The following UBE2Q2 variants were observed in gnomAD, a reference collection of about 807,000 sequenced individuals.
UBE2Q2 encodes the protein ubiquitin-conjugating enzyme E2 Q2.
A neutral mutation model predicts 59.9 loss-of-function variants in UBE2Q2; 54 were observed. The ratio of observed to expected loss-of-function variants is 0.90; its 90% CI spans 0.72 to 1.13. The LOEUF is 1.13. Ranked by LOEUF, UBE2Q2 falls within the 50% of genes most tolerant of loss-of-function variation. UBE2Q2 has a pLI of 0.00. For missense variants in UBE2Q2, 433 were observed against 441.9 expected, an observed-to-expected ratio of 0.98 and a Z score of 0.18; for synonymous variants, 165 against 155.2, an observed-to-expected ratio of 1.06 and a Z score of -0.47.
At chr15:75,854,121 A>G (rs540791055) in intron 1 of UBE2Q2, among the ~76,000 whole-genome samples, 49 of 152,240 alleles carry the variant, frequency 3.2e-4, no homozygotes, top group African/African-American at 1.1e-3. Flanking sequence ...CCAGGAGGTG[A>G]TGGTGATCGG....
chr15:75,881,858 T>A (rs1898448200), intron 8 of UBE2Q2, among the ~76,000 whole-genome samples: 1 of 152,174 alleles, frequency 6.6e-6, no homozygotes, highest in African/African-American at 2.4e-5. Context: ...CTGAATTGAA[T>A]TCTGAGGTAG....
At chr15:75,859,480 C>T (rs1359322912) in intron 2 of UBE2Q2, among the ~76,000 whole-genome samples, 1 of 152,068 alleles carries the variant, frequency 6.6e-6, no homozygotes, top group Admixed American at 6.6e-5. Flanking sequence ...ACAACACTGC[C>T]TGTGTGTGTC....
Position 75,878,006 on chromosome 15 carries a change from A to AT in UBE2Q2, c.720dup (p.Val241CysfsTer2). On this transcript the variant is annotated frameshift_variant, in exon 7 of 13. Coordinates refer to ENST00000267938, the MANE Select transcript of UBE2Q2 (RefSeq NM_173469.4). LOFTEE classifies it high-confidence loss of function. The stretch of plus-strand genomic sequence containing the variant: ...ATAAATGACAGTTTATATGACTGGC[A>AT]TGTTAAACTGCAGAAGTAAGTGGCT... The AT allele has an allele frequency of 6.2e-7, 1 of 1,613,842 alleles. No individual in the cohort carries two copies. Among genetic ancestry groups the AT allele is most frequent in the South Asian group, 1.1e-5 (1 of 91,022 alleles).
chr15:75,850,162 G>A (rs1010204608), intron 1 of UBE2Q2, among the ~76,000 whole-genome samples: 3 of 152,136 alleles, frequency 2.0e-5, no homozygotes, highest in Non-Finnish European at 4.4e-5. Flanking sequence ...GTTTCCTGGC[G>A]TGGTGGATAT....
At chr15:75,875,950 C>T (rs1385906846) in intron 5 of UBE2Q2, among the ~76,000 whole-genome samples, 1 of 151,080 alleles carries the variant, frequency 6.6e-6, no homozygotes, top group Non-Finnish European at 1.5e-5. Context: ...CCTGTAGTCT[C>T]AGCTACTTGG....
chr15:75,871,020 A>C (rs1357881012), intron 4 of UBE2Q2, among the ~76,000 whole-genome samples: 1 of 152,226 alleles, frequency 6.6e-6, no homozygotes, highest in Non-Finnish European at 1.5e-5. Flanking sequence ...GAGTTCCCTT[A>C]GTATTTATTG....
rs537275580 is a variant in UBE2Q2 at position 75,893,435 on chromosome 15, C to T, written c.1029+2421C>T. 3.9e-5 allele frequency among the ~76,000 whole-genome samples: 6 copies of T among 152,228 alleles called. No individual in the cohort carries two copies. The East Asian group carries it at 1.2e-3, about 29-fold the overall frequency. ...TTTTATGTACCTATCAGAATAGCCT[C>T]AAAATACCCAGGAAAAACTGATAAA... On this transcript the variant is annotated intron_variant, in intron 11 of 12. Transcript: ENST00000267938.
rs554115081 is a variant in UBE2Q2 at position 75,901,019 on chromosome 15, T to G, written c.*1561T>G. The G allele has an allele frequency of 6.6e-6, 1 of 152,642 alleles. No homozygotes were observed. The highest frequency in any genetic ancestry group is 1.5e-5 in the Non-Finnish European group (1 of 68,042). 9.5% of individuals were successfully genotyped at this position (152,642 alleles called of 1,614,324 possible). ...GTAAATTTTGTAAACTTGCATCAAG[T>G]TTATGAATAAAGAACCATTTAAAAA... On this transcript the variant is annotated 3_prime_UTR_variant, in exon 13 of 13. Coordinates refer to ENST00000267938, the MANE Select transcript of UBE2Q2 (RefSeq NM_173469.4).
intron 1 of UBE2Q2, among the ~76,000 whole-genome samples, chr15:75,846,854 T>A (rs1896379378): frequency 1.3e-5 from 2 of 152,230 alleles, no homozygotes; most frequent in Admixed American, 1.3e-4. Context: ...TGCTAGTTCC[T>A]GAAGAGTCCT....
intron 2 of UBE2Q2, 135 bp downstream of exon 2, chr15:75,854,622 G>GTT: frequency 3.7e-6 from 2 of 537,910 alleles, no homozygotes; most frequent in African/African-American, 4.0e-5. Flanking sequence ...TAGTTTGTTT[G>GTT]TTTTTTTTCC....
At chr15:75,875,884 A>G (rs1898048120) in intron 5 of UBE2Q2, among the ~76,000 whole-genome samples, 1 of 151,694 alleles carries the variant, frequency 6.6e-6, no homozygotes, top group African/African-American at 2.4e-5. Flanking sequence ...ACATGGTGAA[A>G]TCCCGTCTCT....
intron 3 of UBE2Q2, among the ~76,000 whole-genome samples, chr15:75,860,862 C>G (rs1707711706): frequency 6.6e-6 from 1 of 152,156 alleles, no homozygotes; most frequent in Admixed American, 6.5e-5. Flanking sequence ...TCTTGGCTGA[C>G]CCTTTCTCAT....
chr15:75,883,500 C>T (rs1016335156), intron 9 of UBE2Q2, 76 bp downstream of exon 9: 16 of 1,037,064 alleles, frequency 1.5e-5, no homozygotes, highest in Non-Finnish European at 2.2e-5. Flanking sequence ...CGAGATCTCA[C>T]TATGTTGCCC....
chr15:75,866,332 G>A (rs1340099167), intron 3 of UBE2Q2, among the ~76,000 whole-genome samples: 1 of 151,842 alleles, frequency 6.6e-6, no homozygotes, highest in African/African-American at 2.4e-5. Context: ...CACTGCCACC[G>A]TGCATGGCTA....
At chr15:75,898,717 C>G (rs192423680) in intron 12 of UBE2Q2, among the ~76,000 whole-genome samples, 4 of 152,098 alleles carry the variant, frequency 2.6e-5, no homozygotes, top group African/African-American at 9.7e-5. Flanking sequence ...AGTCCAAGTT[C>G]CTTGTATTCT....
At chr15:75,884,572 T>G (rs1339681352) in intron 9 of UBE2Q2, among the ~76,000 whole-genome samples, 4 of 150,786 alleles carry the variant, frequency 2.7e-5, no homozygotes, top group Admixed American at 6.6e-5. Context: ...AAGTGTGTGT[T>G]TGTTTGTTTT....
intron 4 of UBE2Q2, 24 bp downstream of exon 4, chr15:75,869,034 A>G (rs1440955287): frequency 5.7e-6 from 9 of 1,590,012 alleles, no homozygotes; most frequent in Non-Finnish European, 6.9e-6. Context: ...ATAAAAGAAG[A>G]GTTCATAAAT....
chr15:75,873,143 C>A (rs1897886745), intron 4 of UBE2Q2, among the ~76,000 whole-genome samples: 1 of 152,150 alleles, frequency 6.6e-6, no homozygotes, highest in Non-Finnish European at 1.5e-5. Flanking sequence ...TTTAAAGGTT[C>A]CTCTTAATAG....
intron 9 of UBE2Q2, among the ~76,000 whole-genome samples, chr15:75,888,823 AC>A (rs1288106130): frequency 6.6e-6 from 1 of 151,886 alleles, no homozygotes; most frequent in Non-Finnish European, 1.5e-5. Flanking sequence ...AAATCCAAAA[AC>A]TCCCTTTCTT....
Sources: allele counts gnomAD v4.1 joint callset (sites outside exome capture counted in the v4.1 genomes callset), GRCh38; gene constraint gnomAD v4.1.1; transcripts MANE v1.5; gene names NCBI Gene and HGNC (gene_info 2026-07-23, HGNC 2026-07-21).